The following KCNK3 variants were observed in gnomAD, a reference collection of about 807,000 sequenced individuals.
KCNK3 encodes potassium channel subfamily K member 3.
Under a neutral mutation model 27.3 loss-of-function variants are expected in KCNK3, and 9 were observed. The observed-to-expected ratio is 0.33, with a 90% confidence interval of 0.20 to 0.57. KCNK3 has a LOEUF of 0.57. Ranked by LOEUF, KCNK3 falls within the 20% of genes least tolerant of loss-of-function variation. The pLI is 0.87. For synonymous variants in KCNK3, 278 were observed against 273.8 expected (o/e 1.02, Z -0.15); for missense variants, 391 against 577.7 (o/e 0.68, Z 3.31).
intron 1 of KCNK3, among the ~76,000 whole-genome samples, chr2:26,697,664 G>T (rs1210903571): frequency 1.3e-5 from 2 of 152,118 alleles, no homozygotes; most frequent in African/African-American, 4.8e-5. Flanking sequence ...GGGCTCGCAG[G>T]TGCCCATTCT....
rs1670284688 is a variant in KCNK3, at chr2:26,699,776, C to T, written c.283+6618C>T. On this transcript the variant is annotated intron_variant, in intron 1 of 1. Coordinates refer to ENST00000302909, the MANE Select transcript of KCNK3 (RefSeq NM_002246.3). ...GTGCTGTCCACAACATTTCCTGTCA[C>T]CAGAATCTCCACACTGCTCCAGGAC... Among the ~76,000 whole-genome samples, 5 of 152,204 alleles carry T rather than the reference C, an allele frequency of 3.3e-5. No individual in the cohort carries two copies. The South Asian group carries it at 8.3e-4, about 25-fold the overall frequency.
chr2:26,709,087 G>T (rs1437489231), intron 1 of KCNK3, among the ~76,000 whole-genome samples: 1 of 152,174 alleles, frequency 6.6e-6, no homozygotes, highest in African/African-American at 2.4e-5. Context: ...GAGCAACCAG[G>T]TGGAGGATGT....
chr2:26,728,460 A>G lies in KCNK3; in HGVS notation c.1077A>G (p.Arg359=), dbSNP rs1663473040. Reference sequence around the variant, plus strand: ...GCCGCTACAGCGACACGCCCTCGCGACGCTGCCTGTGCAGCGGGGCGCCAC... The same window carrying G: ...GCCGCTACAGCGACACGCCCTCGCGGCGCTGCCTGTGCAGCGGGGCGCCAC... ...GGGRYSDTPS[R]RCLCSGAPRS... Residue 359 remains arginine, a synonymous_variant, in exon 2 of 2, where the codon CGA becomes CGG. Transcript: ENST00000302909. The G allele has an allele frequency of 1.3e-6, 2 of 1,573,142 alleles. No individual in the cohort carries two copies. The highest frequency in any genetic ancestry group is 2.7e-5 in the African/African-American group (2 of 73,574).
chr2:26,705,800 T>A (rs183065785), intron 1 of KCNK3, among the ~76,000 whole-genome samples: 134 of 150,698 alleles, frequency 8.9e-4, no homozygotes, highest in Non-Finnish European at 1.4e-3. Context: ...TTCTTAAGAG[T>A]GGCCACTGAG....
chr2:26,715,924 T>C (rs1219455873), intron 1 of KCNK3, among the ~76,000 whole-genome samples: 1 of 152,232 alleles, frequency 6.6e-6, no homozygotes, highest in Admixed American at 6.5e-5. Context: ...CTGAAACTAT[T>C]GCTGTCTCCA....
intron 1 of KCNK3, among the ~76,000 whole-genome samples, chr2:26,710,659 A>G (rs932105286): frequency 6.6e-6 from 1 of 152,136 alleles, no homozygotes; most frequent in African/African-American, 2.4e-5. Flanking sequence ...TCTGGGATAA[A>G]GGAGGCTGTC....
chr2:26,695,612 G>A (rs1670225257), intron 1 of KCNK3, among the ~76,000 whole-genome samples: 1 of 152,208 alleles, frequency 6.6e-6, no homozygotes, highest in Non-Finnish European at 1.5e-5. Context: ...AGGTCCTGCA[G>A]TTCCTGTCTC....
At position 26,702,910 on chromosome 2, in the gene KCNK3, G is replaced by A. The variant is rs1046378987; in HGVS notation, c.283+9752G>A. On this transcript the variant is annotated intron_variant, in intron 1 of 1. Coordinates refer to ENST00000302909, the MANE Select transcript of KCNK3 (RefSeq NM_002246.3). ...GCGGGTGGATCACTTGAGGTTGGGAGTTCAAGACCAGCCTGGCCAACATGG... is the reference window on the plus strand; with the variant it reads ...GCGGGTGGATCACTTGAGGTTGGGAATTCAAGACCAGCCTGGCCAACATGG... 2.6e-5 allele frequency among the ~76,000 whole-genome samples: 4 copies of A among 152,086 alleles called. No homozygotes were observed. In the East Asian group the frequency reaches 7.7e-4, roughly 29 times the overall value.
At chr2:26,700,806 C>T (rs538174646) in intron 1 of KCNK3, among the ~76,000 whole-genome samples, 1 of 152,246 alleles carries the variant, frequency 6.6e-6, no homozygotes, top group Non-Finnish European at 1.5e-5. Flanking sequence ...CTCTCTCTCT[C>T]TCACTCTGTC....
intron 1 of KCNK3, among the ~76,000 whole-genome samples, chr2:26,711,389 C>A (rs188804334): frequency 2.0e-5 from 3 of 152,314 alleles, no homozygotes; most frequent in Admixed American, 1.3e-4. Context: ...CCCACTAAGT[C>A]CCCTCCAAGG....
chr2:26,709,807 C>G (rs773092789), intron 1 of KCNK3, among the ~76,000 whole-genome samples: 1 of 152,170 alleles, frequency 6.6e-6, no homozygotes, highest in Non-Finnish European at 1.5e-5. Context: ...CCCAGCAAGG[C>G]GATGGGCGCA....
At chr2:26,710,014 C>T (rs891055319) in intron 1 of KCNK3, among the ~76,000 whole-genome samples, 2 of 152,262 alleles carry the variant, frequency 1.3e-5, no homozygotes, top group Non-Finnish European at 2.9e-5. Flanking sequence ...CTGCCTCCCT[C>T]CTCCAGGAAA....
chr2:26,698,265 A>G (rs1670259668), intron 1 of KCNK3, among the ~76,000 whole-genome samples: 2 of 134,564 alleles, frequency 1.5e-5, no homozygotes, highest in South Asian at 4.6e-4. Flanking sequence ...TCCTGCCCAC[A>G]GGCTAGCCCG....
intron 1 of KCNK3, among the ~76,000 whole-genome samples, chr2:26,710,868 G>T (rs961667187): frequency 6.6e-6 from 1 of 152,226 alleles, no homozygotes; most frequent in Non-Finnish European, 1.5e-5. Context: ...GGCTGCAGTA[G>T]TAATTAGCTC....
At position 26,698,281 on chromosome 2, in the gene KCNK3, G is replaced by A. The variant is rs147825317; in HGVS notation, c.283+5123G>A. Among the ~76,000 whole-genome samples the A allele has an allele frequency of 7.7e-3, 1,169 of 152,284 alleles. 13 individuals carry two copies. Among genetic ancestry groups the A allele is most frequent in the Middle Eastern group, 0.044 (13 of 294 alleles). On this transcript the variant is annotated intron_variant, in intron 1 of 1. Transcript: ENST00000302909. The stretch of plus-strand genomic sequence containing the variant: ...CCTGCCCACAGGCTAGCCCGTGGGC[G>A]TGCTTCGACCCCACAATTTCTGCAG...
chr2:26,711,152 G>C lies in KCNK3; in HGVS notation c.284-16515G>C, dbSNP rs563788735. 9.2e-5 allele frequency among the ~76,000 whole-genome samples: 14 copies of C among 152,302 alleles called. No individual in the cohort carries two copies. The East Asian group carries it at 2.7e-3, about 29-fold the overall frequency. ...GGTGGGCTGGCAGCAGAAGACCCCT[G>C]GGAAATTACCACGTCTCTGTCATGA... is the stretch of plus-strand genomic sequence containing the variant. On this transcript the variant is annotated intron_variant, in intron 1 of 1. Transcript: ENST00000302909.
chr2:26,711,136 G>A (rs988705301), intron 1 of KCNK3, among the ~76,000 whole-genome samples: 19 of 152,184 alleles, frequency 1.2e-4, no homozygotes, highest in African/African-American at 4.6e-4. Flanking sequence ...AGGTGGGCTG[G>A]CAGCAGAAGA....
chr2:26,701,079 T>C (rs1415589776), intron 1 of KCNK3, among the ~76,000 whole-genome samples: 1 of 152,236 alleles, frequency 6.6e-6, no homozygotes, highest in Non-Finnish European at 1.5e-5. Flanking sequence ...CAAGGGACAC[T>C]GATGCTGTGG....
At chr2:26,699,147 C>A (rs1188716832) in intron 1 of KCNK3, among the ~76,000 whole-genome samples, 2 of 147,924 alleles carry the variant, frequency 1.4e-5, no homozygotes, top group Non-Finnish European at 3.0e-5. Context: ...CACTGCACCC[C>A]AGCCTGGGCA....
Sources: gnomAD v4.1 joint callset for allele counts (sites outside exome capture counted in the v4.1 genomes callset) on GRCh38, gnomAD v4.1.1 for gene constraint, MANE v1.5 for transcripts, NCBI Gene and HGNC (gene_info 2026-07-23, HGNC 2026-07-21) for gene names.